Variants in SETBP1 observed in about 807,000 individuals in gnomAD.
SETBP1 encodes SET-binding protein.
A neutral mutation model predicts 101.0 loss-of-function variants in SETBP1; 9 were observed. The ratio of observed to expected loss-of-function variants is 0.09; its 90% CI spans 0.05 to 0.16. The LOEUF (loss-of-function observed/expected upper bound fraction) is 0.16, where lower values mean the gene tolerates loss of function less well. SETBP1 is among the 10% of genes least tolerant of loss of function. The pLI is 1.00. For missense variants in SETBP1, 1,858 were observed against 2,033.8 expected, an observed-to-expected ratio of 0.91 and a Z score of 1.66; for synonymous variants, 818 against 788.5, an observed-to-expected ratio of 1.04 and a Z score of -0.63.
At chr18:44,802,863 A>T (rs967245824) in intron 2 of SETBP1, among the ~76,000 whole-genome samples, 1 of 152,156 alleles carries the variant, frequency 6.6e-6, no homozygotes, top group Non-Finnish European at 1.5e-5. Context: ...GTAACCTGCC[A>T]GTCCTCCAAG....
At chr18:44,737,577 A>C (rs2069997241) in intron 2 of SETBP1, among the ~76,000 whole-genome samples, 1 of 152,242 alleles carries the variant, frequency 6.6e-6, no homozygotes, top group South Asian at 2.1e-4. Flanking sequence ...CACAGATTCT[A>C]CTTCCAACTC....
chr18:44,831,352 A>G (rs2072363420), intron 2 of SETBP1, among the ~76,000 whole-genome samples: 2 of 152,196 alleles, frequency 1.3e-5, no homozygotes, highest in South Asian at 4.1e-4. Flanking sequence ...CAAGTTTCAG[A>G]ATTTCCCCTC....
chr18:44,828,172 TA>T (rs886934968), intron 2 of SETBP1, among the ~76,000 whole-genome samples: 38 of 150,100 alleles, frequency 2.5e-4, no homozygotes, highest in Admixed American at 7.3e-4. Context: ...GTCACTGGTT[TA>T]AAAAAAAAAG....
At chr18:44,690,347 A>G (rs950742685) in intron 1 of SETBP1, among the ~76,000 whole-genome samples, 1 of 152,240 alleles carries the variant, frequency 6.6e-6, no homozygotes, top group African/African-American at 2.4e-5. Flanking sequence ...AAGCACAAAC[A>G]TATACGTGCC....
At chr18:44,789,449 C>G (rs925603901) in intron 2 of SETBP1, among the ~76,000 whole-genome samples, 6 of 152,168 alleles carry the variant, frequency 3.9e-5, no homozygotes, top group Non-Finnish European at 5.9e-5. Context: ...TTGAATCTGA[C>G]TTCTTTCAGT....
intron 3 of SETBP1, among the ~76,000 whole-genome samples, chr18:44,886,660 G>A (rs746841687): frequency 2.0e-5 from 3 of 151,750 alleles, no homozygotes; most frequent in Non-Finnish European, 4.4e-5. Flanking sequence ...TCTTAAACAT[G>A]AGCACCTATC....
At chr18:45,053,145 G>T (rs1456823696) in intron 5 of SETBP1, among the ~76,000 whole-genome samples, 1 of 152,060 alleles carries the variant, frequency 6.6e-6, no homozygotes, top group Non-Finnish European at 1.5e-5. Flanking sequence ...AAAAAATGCA[G>T]TTTTTAAAAA....
chr18:44,937,857 C>A (rs2070998653), intron 3 of SETBP1, among the ~76,000 whole-genome samples: 1 of 152,174 alleles, frequency 6.6e-6, no homozygotes, highest in African/African-American at 2.4e-5. Context: ...CTGGCTCTTT[C>A]CTCTACACTC....
chr18:44,808,011 T>C (rs1033020470), intron 2 of SETBP1, among the ~76,000 whole-genome samples: 6 of 152,190 alleles, frequency 3.9e-5, no homozygotes, highest in Admixed American at 3.9e-4. Context: ...TATCTGGCTC[T>C]TAGAAAGGTT....
At position 45,066,806 on chromosome 18, in the gene SETBP1, G is replaced by C. The variant is rs1203895396; in HGVS notation, c.*3108G>C. On this transcript the variant is annotated 3_prime_UTR_variant, in exon 6 of 6. Transcript: ENST00000649279. ...TTGTTTTCTGGATTACCTGCCTTCAGTAAGCAGATGCAGACCCACTTGTAA... is the reference window on the plus strand; with the variant it reads ...TTGTTTTCTGGATTACCTGCCTTCACTAAGCAGATGCAGACCCACTTGTAA... The C allele has an allele frequency of 6.6e-6, 1 of 151,940 alleles. No individual in the cohort carries two copies. Among genetic ancestry groups the C allele is most frequent in the African/African-American group, 2.4e-5 (1 of 41,332 alleles). The allele number at this position is 151,940 out of a possible 1,614,324, so 9.4% of individuals were successfully genotyped here.
At chr18:44,888,727 G>T (rs1456179730) in intron 3 of SETBP1, among the ~76,000 whole-genome samples, 1 of 152,062 alleles carries the variant, frequency 6.6e-6, no homozygotes, top group Non-Finnish European at 1.5e-5. Context: ...TTACCCAGGG[G>T]TTTAGAGAAT....
At chr18:45,011,140 C>T (rs1226971497) in intron 4 of SETBP1, among the ~76,000 whole-genome samples, 1 of 152,062 alleles carries the variant, frequency 6.6e-6, no homozygotes, top group Non-Finnish European at 1.5e-5. Context: ...AAACATAAAT[C>T]ACAAATGATG....
At chr18:44,766,037 G>A (rs778269529) in intron 2 of SETBP1, among the ~76,000 whole-genome samples, 26 of 152,200 alleles carry the variant, frequency 1.7e-4, no homozygotes, top group Non-Finnish European at 3.7e-4. Flanking sequence ...TGGATCTTGA[G>A]AGTTGCAATC....
chr18:45,054,434 CCT>C (rs1568053707), intron 5 of SETBP1, among the ~76,000 whole-genome samples: 4 of 152,184 alleles, frequency 2.6e-5, no homozygotes, highest in Non-Finnish European at 5.9e-5. Flanking sequence ...AATCCACCCA[CCT>C]CAGCCTCCCA....
At chr18:44,695,483 C>T (rs2068999570) in intron 1 of SETBP1, among the ~76,000 whole-genome samples, 1 of 152,158 alleles carries the variant, frequency 6.6e-6, no homozygotes, top group African/African-American at 2.4e-5. Flanking sequence ...CTCTGTTTTC[C>T]CTTCATTAGT....
intron 4 of SETBP1, among the ~76,000 whole-genome samples, chr18:44,955,119 T>G (rs1399378153): frequency 6.6e-6 from 1 of 152,198 alleles, no homozygotes; most frequent in Admixed American, 6.5e-5. Context: ...TTTACGAGGA[T>G]TTGTCTGTGG....
chr18:44,891,013 G>C (rs2069756550), intron 3 of SETBP1, among the ~76,000 whole-genome samples: 1 of 152,130 alleles, frequency 6.6e-6, no homozygotes, highest in Non-Finnish European at 1.5e-5. Context: ...ATATACAAAA[G>C]AAAGAAAGTT....
intron 4 of SETBP1, among the ~76,000 whole-genome samples, chr18:45,033,882 C>T (rs2073345639): frequency 6.6e-6 from 1 of 152,172 alleles, no homozygotes; most frequent in South Asian, 2.1e-4. Flanking sequence ...TATCACATGA[C>T]CTCTCTGAAC....
At chr18:44,876,758 G>T in intron 3 of SETBP1, 4 of 1,513,138 alleles carry the variant, frequency 2.6e-6, no homozygotes, top group Non-Finnish European at 3.6e-6. Context: ...GTATAACTTC[G>T]CATGGATTCT....
Sources: gnomAD v4.1 joint callset for allele counts (sites outside exome capture counted in the v4.1 genomes callset) on GRCh38, gnomAD v4.1.1 for gene constraint, MANE v1.5 for transcripts, NCBI Gene and HGNC (gene_info 2026-07-23, HGNC 2026-07-21) for gene names.